The following CCDC150 variants were observed in gnomAD, a reference collection of about 807,000 sequenced individuals.
CCDC150 encodes the protein coiled-coil domain-containing protein 150.
A neutral mutation model predicts 156.5 loss-of-function variants in CCDC150; 151 were observed. The ratio of observed to expected loss-of-function variants is 0.97; its 90% CI spans 0.85 to 1.10. CCDC150 has a LOEUF of 1.10. Ranked by LOEUF, CCDC150 falls within the 50% of genes least tolerant of loss-of-function variation. The pLI, the probability that CCDC150 is intolerant of heterozygous loss-of-function variation, is 0.00. For synonymous variants in CCDC150, 452 were observed against 429.4 expected, an observed-to-expected ratio of 1.05 and a Z score of -0.65; for missense variants, 1,312 against 1,268.1, an observed-to-expected ratio of 1.03 and a Z score of -0.53.
chr2:196,682,341 C>T (rs754350417), intron 13 of CCDC150, among the ~76,000 whole-genome samples: 8 of 152,044 alleles, frequency 5.3e-5, no homozygotes, highest in Non-Finnish European at 1.0e-4. Flanking sequence ...GCTAATACCA[C>T]ACAGTCTTGA....
intron 4 of CCDC150, 144 bp from the exon 5 acceptor site, chr2:196,658,648 C>G: frequency 3.5e-6 from 2 of 571,072 alleles, no homozygotes; most frequent in East Asian, 6.4e-5. Flanking sequence ...TTACTTCAGA[C>G]TTATAACAAG....
In CCDC150 at chr2:196,657,152, T is replaced by A; in HGVS notation, c.576+16T>A. 1 of 1,612,658 alleles carries A rather than the reference T, an allele frequency of 6.2e-7. No individual in the cohort carries two copies. Among genetic ancestry groups the A allele is most frequent in the East Asian group, 2.2e-5 (1 of 44,850 alleles). ...GCAGACAAAGGTTTGAGTCTAAGAG[T>A]TCTGAAGTATAAACACACTGTTATG... On this transcript the variant is annotated intron_variant, in intron 4 of 27. Transcript: ENST00000389175.
chr2:196,721,396 C>G, intron 20 of CCDC150, 126 bp from the exon 21 acceptor site: 2 of 392,384 alleles, frequency 5.1e-6, no homozygotes, highest in Non-Finnish European at 7.4e-6. Flanking sequence ...ATCTTTGCTT[C>G]TGGTTCCAAC....
At chr2:196,700,646 A>C (rs945808015) in intron 14 of CCDC150, among the ~76,000 whole-genome samples, 1 of 152,218 alleles carries the variant, frequency 6.6e-6, no homozygotes, top group Non-Finnish European at 1.5e-5. Context: ...TGAGTCTCCA[A>C]TAAACATTTA....
rs1692532867 is a variant in CCDC150 at position 196,646,282 on chromosome 2, GT to G, written c.13-58del. 8.0e-6 allele frequency: 12 copies of G among 1,495,512 alleles called. No homozygotes were observed. The African/African-American group carries it at 1.4e-4, about 17-fold the overall frequency. The allele number at this position is 1,495,512 out of a possible 1,614,324, so 92.6% of individuals were successfully genotyped here. A position where few individuals can be genotyped will look rare whatever the true frequency, so the allele number is the denominator to read the frequency against. On this transcript the variant is annotated intron_variant, in intron 1 of 27. Transcript: ENST00000389175. ...GCCTAATCCTGGCACAGGAATGGCAGTGACTATTTTTGAACAATAATAGGAC... is the reference window on the plus strand; with the variant it reads ...GCCTAATCCTGGCACAGGAATGGCAGGACTATTTTTGAACAATAATAGGAC...
chr2:196,662,947 A>T lies in CCDC150; in HGVS notation c.646-2620A>T, dbSNP rs150847988. On this transcript the variant is annotated intron_variant, in intron 5 of 27. Transcript: ENST00000389175. ...CTGTCTCCAAAACCCACCCACAAAA[A>T]CTTAAAACTGCCAGGCATGGTGGCT... 1.2e-4 allele frequency among the ~76,000 whole-genome samples: 18 copies of T among 151,736 alleles called. No homozygotes were observed. The East Asian group carries it at 3.5e-3, about 30-fold the overall frequency.
chr2:196,673,742 CTG>C (rs1478032418), intron 9 of CCDC150, among the ~76,000 whole-genome samples: 1 of 152,080 alleles, frequency 6.6e-6, no homozygotes, highest in African/African-American at 2.4e-5. Context: ...TATGATATAT[CTG>C]TGTAGCTCAA....
In CCDC150 at chr2:196,715,577, T is replaced by G. The variant is rs367659217; in HGVS notation, c.1866+2838T>G. ...GTACTACCCATCCAAAATAGTTTGA[T>G]GAACGTTTTCTTTTCAACAAAACTG... On this transcript the variant is annotated intron_variant, in intron 17 of 27. Coordinates refer to ENST00000389175, the MANE Select transcript of CCDC150 (RefSeq NM_001080539.2). 5.9e-5 allele frequency among the ~76,000 whole-genome samples: 9 copies of G among 152,326 alleles called. No individual in the cohort carries two copies. The East Asian group carries it at 1.2e-3, about 20-fold the overall frequency.
intron 20 of CCDC150, among the ~76,000 whole-genome samples, chr2:196,721,244 G>A (rs1200396683): frequency 6.8e-6 from 1 of 147,878 alleles, no homozygotes; most frequent in Non-Finnish European, 1.5e-5. Flanking sequence ...ATTAAGCTGG[G>A]TCTGTTTTCC....
In CCDC150 at chr2:196,732,449, C is replaced by T. The variant is rs1420556352; in HGVS notation, c.3193C>T (p.Gln1065Ter). Residue 1065 changes from glutamine (Q) to a stop codon, truncating the protein, a stop_gained, in exon 28 of 28, where the codon CAA becomes TAA. Transcript: ENST00000389175. LOFTEE classifies it low-confidence loss of function (END_TRUNC). ...SGEDRWQEKD[Q>*]DVKHDVMSNQ... ...AGGTGTGTTTTCTTTCCAACAGGAC[C>T]AAGATGTAAAACATGATGTCATGTC... 5 of 1,610,158 alleles carry T rather than the reference C, an allele frequency of 3.1e-6. No individual in the cohort carries two copies. Among genetic ancestry groups the T allele is most frequent in the Non-Finnish European group, 4.2e-6 (5 of 1,176,980 alleles).
intron 10 of CCDC150, among the ~76,000 whole-genome samples, chr2:196,675,292 A>C (rs1393149820): frequency 6.6e-6 from 1 of 152,076 alleles, no homozygotes; most frequent in Non-Finnish European, 1.5e-5. Context: ...TCTAGATAGG[A>C]TTATAGTGGT....
chr2:196,712,409 A>G, intron 16 of CCDC150, 157 bp downstream of exon 16: 1 of 572,290 alleles, frequency 1.7e-6, no homozygotes. Flanking sequence ...CCTAGTACAT[A>G]CAAGGTTCTG....
rs778349332 is a variant in CCDC150, at chr2:196,669,846, C to A, written c.906C>A (p.Asp302Glu). The change falls in exon 8 of 28, where the codon GAC (aspartate) becomes GAA (glutamate). Residue 302 changes from aspartate (D) to glutamate (E), a missense_variant. Coordinates refer to ENST00000389175, the MANE Select transcript of CCDC150 (RefSeq NM_001080539.2). ...QLKSDLTSRD[D>E]LISKLVEENK... ...TTTTGTTTTTAGCTTCTAGAGATGACCTCATTTCCAAGTTGGTTGAAGAAA... is the reference window on the plus strand; with the variant it reads ...TTTTGTTTTTAGCTTCTAGAGATGAACTCATTTCCAAGTTGGTTGAAGAAA... 6.2e-7 allele frequency: 1 copy of A among 1,610,240 alleles called. No homozygotes were observed. Among genetic ancestry groups the A allele is most frequent in the East Asian group, 2.2e-5 (1 of 44,724 alleles).
intron 15 of CCDC150, among the ~76,000 whole-genome samples, chr2:196,703,768 G>A (rs1010876787): frequency 6.6e-6 from 1 of 152,170 alleles, no homozygotes; most frequent in Non-Finnish European, 1.5e-5. Context: ...ATTTATGGAT[G>A]GGTCTGATGT....
intron 12 of CCDC150, 175 bp from the exon 13 acceptor site, chr2:196,677,118 T>C (rs1694552634): frequency 1.4e-6 from 1 of 706,700 alleles, no homozygotes; most frequent in Non-Finnish European, 2.6e-6. Flanking sequence ...ATTTCAGGGC[T>C]ATTTGTGAAG....
intron 26 of CCDC150, among the ~76,000 whole-genome samples, chr2:196,731,550 TGCCCAG>T (rs1490408535): frequency 6.6e-6 from 1 of 150,676 alleles, no homozygotes; most frequent in African/African-American, 2.4e-5. Context: ...TGGTGCACCA[TGCCCAG>T]CTAATTTTTG....
intron 13 of CCDC150, among the ~76,000 whole-genome samples, chr2:196,680,061 C>T (rs1324462416): frequency 6.6e-6 from 1 of 152,012 alleles, no homozygotes; most frequent in African/African-American, 2.4e-5. Context: ...TAGATCTCTT[C>T]TTCCATTTTA....
chr2:196,725,342 C>G (rs1698151991), intron 21 of CCDC150, among the ~76,000 whole-genome samples: 1 of 152,120 alleles, frequency 6.6e-6, no homozygotes, highest in African/African-American at 2.4e-5. Context: ...TTTTAAAAGT[C>G]AGAAGCTACG....
intron 1 of CCDC150, among the ~76,000 whole-genome samples, chr2:196,643,569 A>G (rs1016267059): frequency 3.3e-5 from 5 of 152,374 alleles, no homozygotes; most frequent in Admixed American, 1.3e-4. Context: ...GAACAATTAC[A>G]TGAAAAAATT....
Sources: allele counts gnomAD v4.1 joint callset (sites outside exome capture counted in the v4.1 genomes callset), GRCh38; gene constraint gnomAD v4.1.1; transcripts MANE v1.5; gene names NCBI Gene and HGNC (gene_info 2026-07-23, HGNC 2026-07-21).